PDE7B: variants seen among roughly 807,000 people sequenced by gnomAD.
The protein encoded by PDE7B is phosphodiesterase 7B.
In PDE7B, 29 loss-of-function variants were observed where a neutral mutation model predicts 56.2. The observed-to-expected ratio is 0.52, with a 90% CI of 0.38 to 0.70. The LOEUF (loss-of-function observed/expected upper bound fraction) is 0.70. Ranked by LOEUF, PDE7B falls within the 30% of genes least tolerant of loss-of-function variation. PDE7B has a pLI of 0.00. For synonymous variants in PDE7B, 197 were observed against 196.9 expected (o/e 1.00, Z 0.00); for missense variants, 490 against 565.0 (o/e 0.87, Z 1.35).
At chr6:135,994,782 A>T (rs1177877255) in intron 2 of PDE7B, among the ~76,000 whole-genome samples, 3 of 152,244 alleles carry the variant, frequency 2.0e-5, no homozygotes, top group Non-Finnish European at 4.4e-5. Flanking sequence ...AATACGTATT[A>T]AACAATTCGA....
At chr6:136,073,555 C>T (rs1777083299) in intron 2 of PDE7B, among the ~76,000 whole-genome samples, 1 of 152,142 alleles carries the variant, frequency 6.6e-6, no homozygotes, top group African/African-American at 2.4e-5. Flanking sequence ...TCCCTCTGGG[C>T]CTGTGTCCTA....
chr6:135,891,800 C>T (rs1246996559), intron 1 of PDE7B, among the ~76,000 whole-genome samples: 1 of 152,130 alleles, frequency 6.6e-6, no homozygotes, highest in Non-Finnish European at 1.5e-5. Context: ...AGATTGCAAA[C>T]TCTTTTGAAA....
rs571554407 is a variant in PDE7B, at chr6:136,144,164, C to T, written c.167-3187C>T. ...CTTTACTTTCCTATGTAGCAAAACT[C>T]CTTAAAAGAGTGGTCTACACTTGAT... On this transcript the variant is annotated intron_variant, in intron 3 of 12. Coordinates refer to ENST00000308191, the MANE Select transcript of PDE7B (RefSeq NM_018945.4). 2.2e-4 allele frequency among the ~76,000 whole-genome samples: 33 copies of T among 152,110 alleles called. No homozygotes were observed. The South Asian group carries it at 6.6e-3, about 31-fold the overall frequency.
Position 136,108,764 on chromosome 6 carries a change from G to A in PDE7B, c.116G>A (p.Arg39His), listed in dbSNP as rs374809923. 18 of 1,611,734 alleles carry A rather than the reference G, an allele frequency of 1.1e-5. No individual in the cohort carries two copies. Among genetic ancestry groups the A allele is most frequent in the South Asian group, 4.4e-5 (4 of 91,040 alleles). ...CGACTAAGGGGTCAGACGGGGGTTC[G>A]TGCTGAACGCCGTGGCTCCTACCCA... ...DIRLRGQTGVRAERRGSYPFI... is the reference protein window; with the variant it reads ...DIRLRGQTGVHAERRGSYPFI... The change falls in exon 3 of 13, where the codon CGT becomes CAT. Residue 39 changes from arginine to histidine, a missense_variant. Physicochemically the swap from Arg to His is conservative, Grantham distance 29. Coordinates refer to ENST00000308191, the MANE Select transcript of PDE7B (RefSeq NM_018945.4).
intron 1 of PDE7B, among the ~76,000 whole-genome samples, chr6:135,944,613 T>G (rs971978308): frequency 6.6e-6 from 1 of 152,124 alleles, no homozygotes; most frequent in Non-Finnish European, 1.5e-5. Context: ...TGCTATTTGG[T>G]GATGAGCTTG....
chr6:136,005,434 A>T (rs553352052), intron 2 of PDE7B, among the ~76,000 whole-genome samples: 2 of 152,292 alleles, frequency 1.3e-5, no homozygotes, highest in East Asian at 3.9e-4. Context: ...AAAATGGGAG[A>T]AAATTTTCAC....
chr6:135,982,945 A>G (rs1775320265), intron 2 of PDE7B, among the ~76,000 whole-genome samples: 1 of 152,120 alleles, frequency 6.6e-6, no homozygotes, highest in Non-Finnish European at 1.5e-5. Context: ...CCTCAGAAGA[A>G]CTCCCAGTCT....
At chr6:136,044,040 C>A (rs1776457020) in intron 2 of PDE7B, 1 of 152,150 alleles carries the variant, frequency 6.6e-6, no homozygotes, top group East Asian at 1.9e-4. Flanking sequence ...TTGTTTTCTG[C>A]TCATTGTTCT....
chr6:135,878,577 G>C (rs7747218), intron 1 of PDE7B, among the ~76,000 whole-genome samples: 1 of 151,928 alleles, frequency 6.6e-6, no homozygotes, highest in Non-Finnish European at 1.5e-5. Flanking sequence ...TCTTTCATAC[G>C]TATGCTTGTA....
At chr6:135,958,837 C>T (rs1023135120) in intron 2 of PDE7B, among the ~76,000 whole-genome samples, 3 of 152,158 alleles carry the variant, frequency 2.0e-5, no homozygotes, top group Non-Finnish European at 4.4e-5. Flanking sequence ...ATTTTCCCCT[C>T]TCACTGAATA....
chr6:136,178,544 G>A lies in PDE7B; in HGVS notation c.804-453G>A, dbSNP rs867565071. On this transcript the variant is annotated intron_variant, in intron 9 of 12. Transcript: ENST00000308191. ...GGCCTATGTATTGTGTTCCGTTGATGGATCTTTCCATCCCATGGTACCCTT... is the reference window on the plus strand; with the variant it reads ...GGCCTATGTATTGTGTTCCGTTGATAGATCTTTCCATCCCATGGTACCCTT... Among the ~76,000 whole-genome samples, 6 of 152,130 alleles carry A rather than the reference G, an allele frequency of 3.9e-5. No individual in the cohort carries two copies. In the South Asian group the frequency reaches 6.2e-4, roughly 16 times the overall value.
Position 136,181,299 on chromosome 6 carries a change from G to A in PDE7B, c.1021G>A (p.Val341Ile). ...GATGAGCAAGCAGTGGAGTGAAAGG[G>A]TCTGTGAAGAATTCTACAGGCAAGG... ...WEMSKQWSER[V>I]CEEFYRQGEL... The change falls in exon 11 of 13, where the codon GTC (valine) becomes ATC (isoleucine). Residue 341 changes from valine to isoleucine, a missense_variant. Transcript: ENST00000308191. 2 of 1,612,024 alleles carry A rather than the reference G, an allele frequency of 1.2e-6. No individual in the cohort carries two copies. The highest frequency in any genetic ancestry group is 1.7e-5 in the Admixed American group (1 of 60,018).
rs564314134 is a variant in PDE7B, at chr6:136,181,210, G to C, written c.949-17G>C. On this transcript the variant is annotated splice_polypyrimidine_tract_variant and intron_variant, in intron 10 of 12. Transcript: ENST00000308191. ...GAACATCCTCTCACAATTTCTCCCC[G>C]CCCTGTCATTTCTCAGATCGCCTTG... 6.3e-7 allele frequency: 1 copy of C among 1,587,014 alleles called. No homozygotes were observed. The highest frequency in any genetic ancestry group is 8.7e-7 in the Non-Finnish European group (1 of 1,155,620).
intron 2 of PDE7B, among the ~76,000 whole-genome samples, chr6:136,035,590 CT>C (rs1351237486): frequency 2.6e-5 from 4 of 152,134 alleles, no homozygotes; most frequent in Non-Finnish European, 5.9e-5. Context: ...ATTGGGGGAA[CT>C]TTTTTTAAAT....
At chr6:135,957,277 T>G (rs1774814012) in intron 2 of PDE7B, among the ~76,000 whole-genome samples, 1 of 152,050 alleles carries the variant, frequency 6.6e-6, no homozygotes, top group Non-Finnish European at 1.5e-5. Context: ...AGAACTAGGT[T>G]AATTCAAAAC....
At chr6:136,159,249 C>T (rs555501124) in intron 8 of PDE7B, among the ~76,000 whole-genome samples, 3 of 152,144 alleles carry the variant, frequency 2.0e-5, no homozygotes, top group Non-Finnish European at 4.4e-5. Flanking sequence ...GACCCCACCC[C>T]GTCCTCAAAC....
intron 2 of PDE7B, among the ~76,000 whole-genome samples, chr6:135,964,057 T>C (rs1405021758): frequency 1.3e-5 from 2 of 152,096 alleles, no homozygotes; most frequent in South Asian, 2.1e-4. Flanking sequence ...AATTAAAATG[T>C]GTTGTGACCA....
chr6:136,145,126 A>G (rs949651403), intron 3 of PDE7B, among the ~76,000 whole-genome samples: 6 of 152,082 alleles, frequency 3.9e-5, no homozygotes, highest in African/African-American at 1.4e-4. Context: ...TTCCAGCTCT[A>G]TTATTTCTTC....
At chr6:136,151,294 G>A (rs778051690) in intron 6 of PDE7B, 39 bp downstream of exon 6, 2 of 1,027,012 alleles carry the variant, frequency 1.9e-6, no homozygotes, top group South Asian at 2.5e-5. Context: ...CCATTCTCTT[G>A]AATAATGGCA....
Sources: allele counts gnomAD v4.1 joint callset (sites outside exome capture counted in the v4.1 genomes callset), GRCh38; gene constraint gnomAD v4.1.1; transcripts MANE v1.5; gene names NCBI Gene and HGNC (gene_info 2026-07-23, HGNC 2026-07-21).